Variants in FAM20C observed in about 807,000 individuals in gnomAD.
FAM20C encodes extracellular serine/threonine protein kinase FAM20C.
A neutral mutation model predicts 51.5 loss-of-function variants in FAM20C; 40 were observed. That is an observed-to-expected ratio of 0.78 (90% CI 0.60 to 1.01). FAM20C has a LOEUF of 1.01. Among genes scored for constraint, FAM20C ranks in the 50% least tolerant of loss-of-function variants. FAM20C has a pLI of 0.00. For missense variants in FAM20C, 861 were observed against 844.7 expected, an observed-to-expected ratio of 1.02 and a Z score of -0.24; for synonymous variants, 406 against 380.6, an observed-to-expected ratio of 1.07 and a Z score of -0.78.
rs1785644909 is a variant in FAM20C at position 193,148 on chromosome 7, A to T, written c.-52A>T. The T allele has an allele frequency of 7.2e-7, 1 of 1,393,870 alleles. No homozygotes were observed. 86.3% of individuals were successfully genotyped at this position (1,393,870 alleles called of 1,614,324 possible). On this transcript the variant is annotated 5_prime_UTR_variant, in exon 1 of 10. An upstream open reading frame in the 5' UTR loses its in-frame stop. Coordinates refer to ENST00000313766, the MANE Select transcript of FAM20C (RefSeq NM_020223.4). The stretch of plus-strand genomic sequence containing the variant: ...GCCGCGCTCGTGCCCAGCTGCAGCT[A>T]GAGGGGCGCGCGGGCAGAACGCGCT...
At chr7:258,770 G>A (rs1788750826) in intron 9 of FAM20C, 65 bp downstream of exon 9, 2 of 1,438,110 alleles carry the variant, frequency 1.4e-6, no homozygotes, top group African/African-American at 1.4e-5. Context: ...AGACAGAGGA[G>A]GCCACAGCCT....
chr7:247,428 T>C (rs1227389344), intron 4 of FAM20C, among the ~76,000 whole-genome samples: 5 of 152,072 alleles, frequency 3.3e-5, no homozygotes, highest in African/African-American at 4.8e-5. Flanking sequence ...CAGCCTGGGG[T>C]GCGGCCCCAG....
intron 2 of FAM20C, among the ~76,000 whole-genome samples, chr7:208,176 G>T (rs1333200753): frequency 6.9e-6 from 1 of 145,816 alleles, no homozygotes; most frequent in East Asian, 1.9e-4. Flanking sequence ...GGGGTATGTA[G>T]GGGTGTGTCG....
chr7:226,532 G>A (rs1562382447), intron 3 of FAM20C, among the ~76,000 whole-genome samples: 1 of 152,206 alleles, frequency 6.6e-6, no homozygotes, highest in Non-Finnish European at 1.5e-5. Flanking sequence ...GGGCCTCTCA[G>A]GTGGCCCCGT....
chr7:199,363 C>T (rs1385597503), intron 2 of FAM20C, among the ~76,000 whole-genome samples: 1 of 152,206 alleles, frequency 6.6e-6, no homozygotes, highest in East Asian at 1.9e-4. Flanking sequence ...AAAGGCCAGC[C>T]CTGCCTTCCA....
At chr7:198,495 G>A (rs1023756804) in intron 2 of FAM20C, among the ~76,000 whole-genome samples, 2 of 152,232 alleles carry the variant, frequency 1.3e-5, no homozygotes, top group East Asian at 1.9e-4. Context: ...GTCGAGGCTA[G>A]TTAAAAGTCC....
chr7:257,291 C>CGA, intron 8 of FAM20C: 1 of 588,270 alleles, frequency 1.7e-6, no homozygotes, highest in Non-Finnish European at 3.0e-6. Flanking sequence ...GTGGGACCTC[C>CGA]GAGGCACAGG....
intron 1 of FAM20C, 23 bp downstream of exon 1, chr7:193,827 C>A: frequency 6.5e-7 from 1 of 1,549,568 alleles, no homozygotes; most frequent in South Asian, 1.2e-5. Context: ...TGGCAGGTGC[C>A]CACCCCCAAG....
chr7:237,467 A>G lies in FAM20C; in HGVS notation c.864-8948A>G, dbSNP rs1036695130. On this transcript the variant is annotated intron_variant, in intron 3 of 9. Coordinates refer to ENST00000313766, the MANE Select transcript of FAM20C (RefSeq NM_020223.4). ...GACGGTGATGACGGTGCTGATGGTG[A>G]TTGTGATGATAGTGATGGTGATGAT... Among the ~76,000 whole-genome samples the G allele has an allele frequency of 5.3e-5, 8 of 152,174 alleles. No individual in the cohort carries two copies. The South Asian group carries it at 6.2e-4, about 12-fold the overall frequency.
rs574332586 is a variant in FAM20C, at chr7:256,055, G to T, written c.1253+26G>T. On this transcript the variant is annotated intron_variant, in intron 6 of 9. Coordinates refer to ENST00000313766, the MANE Select transcript of FAM20C (RefSeq NM_020223.4). ...GTGAGTGCGGGGCCGGGGGGCTGGC[G>T]TCCGGCCACCCTACGGCAGAGGGAG... 2.6e-6 allele frequency: 4 copies of T among 1,530,576 alleles called. No homozygotes were observed. In the African/African-American group the frequency reaches 5.5e-5, roughly 21 times the overall value. 94.8% of individuals were successfully genotyped at this position (1,530,576 alleles called of 1,614,324 possible). A position where few individuals can be genotyped will look rare whatever the true frequency, so the allele number is the denominator to read the frequency against.
chr7:257,836 A>T (rs371124892), intron 8 of FAM20C, among the ~76,000 whole-genome samples: 9,268 of 47,362 alleles, frequency 0.2, 803 homozygotes, highest in Non-Finnish European at 0.22. Flanking sequence ...GGAGATGGGC[A>T]GGGTGGACCC....
chr7:255,987 G>A lies in FAM20C; in HGVS notation c.1211G>A (p.Arg404Gln), dbSNP rs1319019323. The A allele has an allele frequency of 6.5e-7, 1 of 1,536,086 alleles. No individual in the cohort carries two copies. The highest frequency in any genetic ancestry group is 1.4e-5 in the African/African-American group (1 of 73,162). Residue 404 changes from arginine (R) to glutamine (Q), a missense_variant, in exon 6 of 10, where the codon CGG (arginine) becomes CAG (glutamine). Physicochemically the swap from Arg to Gln is conservative, Grantham distance 43. Transcript: ENST00000313766. ...DLSLAKRKTW[R>Q]NPWRRSYHKR... ...TCCCTGGCCAAGAGGAAGACCTGGC[G>A]GAACCCTTGGCGGCGTTCCTACCAC...
chr7:223,829 C>T (rs566649648), intron 3 of FAM20C, among the ~76,000 whole-genome samples: 3 of 151,552 alleles, frequency 2.0e-5, no homozygotes, highest in African/African-American at 7.3e-5. Flanking sequence ...GAAGAACAAT[C>T]CTGAAATGAG....
chr7:210,914 G>A (rs901620599), intron 3 of FAM20C, among the ~76,000 whole-genome samples: 17 of 152,256 alleles, frequency 1.1e-4, no homozygotes, highest in African/African-American at 3.1e-4. Context: ...CTGTGGGCCC[G>A]GCCTGTGCTT....
At chr7:232,478 C>T (rs1449703603) in intron 3 of FAM20C, among the ~76,000 whole-genome samples, 1 of 152,190 alleles carries the variant, frequency 6.6e-6, no homozygotes, top group Non-Finnish European at 1.5e-5. Context: ...CAGGGGGTCC[C>T]GAAGGTTTTG....
intron 3 of FAM20C, among the ~76,000 whole-genome samples, chr7:216,650 TGA>T (rs1491420964): frequency 7.7e-5 from 11 of 143,648 alleles, no homozygotes; most frequent in Admixed American, 2.7e-4. Flanking sequence ...TGAGTGTGTG[TGA>T]GTGTGTGTGT....
chr7:193,830 C>G (rs1450423973), intron 1 of FAM20C, 26 bp downstream of exon 1: 2 of 1,547,336 alleles, frequency 1.3e-6, no homozygotes, highest in East Asian at 4.9e-5. Context: ...CAGGTGCCCA[C>G]CCCCAAGGGA....
Position 248,365 on chromosome 7 carries a change from T to C in FAM20C, c.1007T>C (p.Met336Thr). The change falls in exon 5 of 10, where the codon ATG becomes ACG. Residue 336 changes from methionine to threonine, a missense_variant. By Grantham distance (81) the Met-to-Thr change is moderately conservative. Coordinates refer to ENST00000313766, the MANE Select transcript of FAM20C (RefSeq NM_020223.4). ...VPPVAGRMVN[M>T]TKEIRDVTRD... ...CCCGTGGCCGGCAGGATGGTCAACATGACCAAGGAGATCCGGGACGTCACA... is the reference window on the plus strand; with the variant it reads ...CCCGTGGCCGGCAGGATGGTCAACACGACCAAGGAGATCCGGGACGTCACA... The C allele has an allele frequency of 6.5e-7, 1 of 1,537,126 alleles. No individual in the cohort carries two copies. Among genetic ancestry groups the C allele is most frequent in the Non-Finnish European group, 8.7e-7 (1 of 1,146,896 alleles).
intron 8 of FAM20C, chr7:257,408 C>T: frequency 3.4e-6 from 1 of 293,016 alleles, no homozygotes; most frequent in Admixed American, 4.7e-5. Context: ...TGGGCCTCTG[C>T]CTGCACGCGG....
Sources: allele counts gnomAD v4.1 joint callset (sites outside exome capture counted in the v4.1 genomes callset), GRCh38; gene constraint gnomAD v4.1.1; transcripts MANE v1.5; gene names NCBI Gene and HGNC (gene_info 2026-07-23, HGNC 2026-07-21).